The following XRRA1 variants were observed in gnomAD, a reference collection of about 807,000 sequenced individuals.
The protein encoded by XRRA1 is X-ray radiation resistance-associated protein 1.
A neutral mutation model predicts 80.2 loss-of-function variants in XRRA1; 69 were observed. The ratio of observed to expected loss-of-function variants is 0.86; its 90% CI spans 0.71 to 1.05. The LOEUF is 1.05. XRRA1 is among the 50% of genes least tolerant of loss of function. The pLI, the probability that XRRA1 is intolerant of heterozygous loss-of-function variation, is 0.00. For synonymous variants in XRRA1, 348 were observed against 389.9 expected (o/e 0.89, Z 1.27); for missense variants, 967 against 976.4 (o/e 0.99, Z 0.13).
chr11:74,896,742 A>G (rs2052420281), intron 10 of XRRA1, among the ~76,000 whole-genome samples: 2 of 152,170 alleles, frequency 1.3e-5, no homozygotes, highest in Admixed American at 1.3e-4. Context: ...GAGATTCCAT[A>G]TGTTTGGCAG....
At chr11:74,860,213 G>T (rs1396821510) in intron 11 of XRRA1, among the ~76,000 whole-genome samples, 1 of 152,186 alleles carries the variant, frequency 6.6e-6, no homozygotes, top group Non-Finnish European at 1.5e-5. Flanking sequence ...AAGTGGACAG[G>T]TCAGTCATGG....
At chr11:74,863,351 C>T (rs2042723367) in intron 10 of XRRA1, 1 of 339,948 alleles carries the variant, frequency 2.9e-6, no homozygotes, top group Non-Finnish European at 5.5e-6. Flanking sequence ...GACCTTCAAT[C>T]TGACTTTAAA....
intron 2 of XRRA1, 42 bp from the exon 3 acceptor site, chr11:74,940,924 A>G: frequency 6.8e-7 from 1 of 1,474,864 alleles, no homozygotes; most frequent in Non-Finnish European, 9.3e-7. Context: ...GAAGAGTGAA[A>G]AGGCACAGCA....
chr11:74,844,905 G>A (rs950789009), intron 16 of XRRA1, among the ~76,000 whole-genome samples, 168 bp downstream of exon 16: 2 of 152,230 alleles, frequency 1.3e-5, no homozygotes, highest in Admixed American at 1.3e-4. Flanking sequence ...AATATGTGGG[G>A]CTTCAAACAA....
intron 10 of XRRA1, among the ~76,000 whole-genome samples, chr11:74,884,283 T>C (rs992404570): frequency 6.6e-6 from 1 of 152,220 alleles, no homozygotes; most frequent in African/African-American, 2.4e-5. Flanking sequence ...AGAAAAGGGC[T>C]ACCTGTGGGC....
intron 10 of XRRA1, among the ~76,000 whole-genome samples, chr11:74,900,469 C>A (rs528889156): frequency 4.6e-5 from 7 of 152,198 alleles, no homozygotes; most frequent in African/African-American, 1.7e-4. Flanking sequence ...GTAATCCCAG[C>A]TACTTGGGAG....
chr11:74,930,025 G>T (rs997920460), intron 6 of XRRA1, among the ~76,000 whole-genome samples: 3 of 152,172 alleles, frequency 2.0e-5, no homozygotes, highest in Admixed American at 6.5e-5. Flanking sequence ...TCTCATATGA[G>T]CCTGCAAGGT....
chr11:74,843,767 T>C (rs1218254051), intron 18 of XRRA1, 87 bp downstream of exon 18: 11 of 1,246,232 alleles, frequency 8.8e-6, no homozygotes, highest in Non-Finnish European at 1.3e-5. Context: ...TAAGGGCCTT[T>C]CCTGCACTGA....
At chr11:74,907,501 A>G (rs945443713) in intron 8 of XRRA1, among the ~76,000 whole-genome samples, 2 of 152,216 alleles carry the variant, frequency 1.3e-5, no homozygotes, top group African/African-American at 4.8e-5. Flanking sequence ...GTATGGAGAA[A>G]GGTTACACAC....
In XRRA1 at chr11:74,864,564, C is replaced by G. The variant is rs542322262; in HGVS notation, c.1004-1543G>C. 5.5e-4 allele frequency among the ~76,000 whole-genome samples: 84 copies of G among 152,342 alleles called. 2 individuals are homozygous for G. Among genetic ancestry groups the G allele is most frequent in the African/African-American group, 1.8e-3 (76 of 41,590 alleles). Reference sequence around the variant, plus strand: ...GATCCACCAAGCTTGCTCCCCAGTTCAAGCCTAGAAACACCCCAGGCTTCC... The same window carrying G: ...GATCCACCAAGCTTGCTCCCCAGTTGAAGCCTAGAAACACCCCAGGCTTCC... On this transcript the variant is annotated intron_variant, in intron 10 of 18. Transcript: ENST00000684022.
rs1261061014 is a variant in XRRA1, at chr11:74,843,336, A to G, written c.2267T>C (p.Leu756Pro). ...ARYRQLVSGS[L>P]RTVFGTTPLP... is the part of the protein sequence containing the mutation. ...CGGGGTAGTCCCGAACACTGTGCGCAGAGAGCCACTCACCAGCTGCCGGTA... is the reference window on the plus strand; with the variant it reads ...CGGGGTAGTCCCGAACACTGTGCGCGGAGAGCCACTCACCAGCTGCCGGTA... The change falls in exon 19 of 19, where the codon CTG becomes CCG. Residue 756 changes from leucine (L) to proline (P), a missense_variant. Physicochemically the swap from Leu to Pro is moderately conservative, Grantham distance 98. Transcript: ENST00000684022. The G allele has an allele frequency of 6.2e-7, 1 of 1,609,492 alleles. No homozygotes were observed. Among genetic ancestry groups the G allele is most frequent in the South Asian group, 1.1e-5 (1 of 90,068 alleles).
At chr11:74,889,691 A>G (rs2050113798) in intron 10 of XRRA1, among the ~76,000 whole-genome samples, 1 of 152,192 alleles carries the variant, frequency 6.6e-6, no homozygotes, top group Non-Finnish European at 1.5e-5. Flanking sequence ...TAGGCTCAAA[A>G]TAAAGGGATG....
intron 10 of XRRA1, among the ~76,000 whole-genome samples, chr11:74,864,683 G>A (rs564976869): frequency 3.6e-4 from 55 of 152,338 alleles, no homozygotes; most frequent in African/African-American, 1.2e-3. Context: ...TAGTGCCTTG[G>A]TGGAAAGGCT....
chr11:74,935,545 A>G (rs1434863980), intron 4 of XRRA1, among the ~76,000 whole-genome samples: 4 of 152,230 alleles, frequency 2.6e-5, no homozygotes, highest in African/African-American at 9.6e-5. Context: ...ATCTTGTAAA[A>G]GTGCCAGGAC....
At chr11:74,870,466 G>C (rs1421231650) in intron 10 of XRRA1, among the ~76,000 whole-genome samples, 1 of 152,126 alleles carries the variant, frequency 6.6e-6, no homozygotes, top group Non-Finnish European at 1.5e-5. Flanking sequence ...TCCCCTCTCT[G>C]TATGAAATGC....
chr11:74,872,032 C>T (rs1284264301), intron 10 of XRRA1, among the ~76,000 whole-genome samples: 1 of 152,156 alleles, frequency 6.6e-6, no homozygotes, highest in East Asian at 1.9e-4. Flanking sequence ...GATAGGGGAA[C>T]CATCATTCCC....
chr11:74,940,683 G>C (rs1323243320), intron 3 of XRRA1, 102 bp downstream of exon 3: 1 of 930,968 alleles, frequency 1.1e-6, no homozygotes, highest in African/African-American at 1.6e-5. Flanking sequence ...GGTAGAGCAG[G>C]GAACAGTAGT....
At chr11:74,927,077 CT>C (rs1942413125) in intron 7 of XRRA1, among the ~76,000 whole-genome samples, 1 of 152,174 alleles carries the variant, frequency 6.6e-6, no homozygotes, top group African/African-American at 2.4e-5. Context: ...CTTCAATACT[CT>C]GTTTTAAAAC....
chr11:74,937,344 A>C (rs887812745), intron 3 of XRRA1, among the ~76,000 whole-genome samples: 4 of 152,192 alleles, frequency 2.6e-5, no homozygotes, highest in Admixed American at 6.5e-5. Context: ...TCCTTCCTTC[A>C]CATTTTTATC....
Sources: allele counts gnomAD v4.1 joint callset (sites outside exome capture counted in the v4.1 genomes callset), GRCh38; gene constraint gnomAD v4.1.1; transcripts MANE v1.5; gene names NCBI Gene and HGNC (gene_info 2026-07-23, HGNC 2026-07-21).